Variants in ADI1 observed in about 807,000 individuals in gnomAD.
ADI1 encodes the protein acireductone dioxygenase 1.
In ADI1, 21 loss-of-function variants were observed where a neutral mutation model predicts 18.7. The ratio of observed to expected loss-of-function variants is 1.13; its 90% CI spans 0.80 to 1.62. The LOEUF (loss-of-function observed/expected upper bound fraction) is 1.62, where lower values mean the gene tolerates loss of function less well. Among genes scored for constraint, ADI1 ranks in the 40% most tolerant of loss-of-function variants. The probability of loss-of-function intolerance (pLI) is 0.00; values close to 1 mark genes in which losing one functional copy is unlikely to be tolerated. For synonymous variants in ADI1, 90 were observed against 100.1 expected (o/e 0.90, Z 0.60); for missense variants, 245 against 254.9 (o/e 0.96, Z 0.26).
In ADI1 at chr2:3,503,376, TAC is replaced by T. The variant is rs36166333; in HGVS notation, c.241-2385_241-2384del. Among the ~76,000 whole-genome samples the T allele has an allele frequency of 6.6e-3, 291 of 44,340 alleles. 116 individuals are homozygous for T. In the African/African-American group the frequency reaches 0.16, roughly 24 times the overall value. 29.1% of individuals were successfully genotyped at this position (44,340 alleles called of 152,430 possible). A position where few individuals can be genotyped will look rare whatever the true frequency, so the allele number is the denominator to read the frequency against. On this transcript the variant is annotated intron_variant, in intron 2 of 3. Transcript: ENST00000327435. ...ACGCACATTCACACACATGCACACA[TAC>T]ACACGTACTCACACGCACATTCACA...
At chr2:3,516,751 C>T (rs1667417620) in intron 1 of ADI1, 1 of 985,144 alleles carries the variant, frequency 1.0e-6, no homozygotes, top group Non-Finnish European at 1.2e-6. Context: ...AATAATCTTC[C>T]AATTGTTTGT....
intron 2 of ADI1, among the ~76,000 whole-genome samples, chr2:3,506,713 G>A (rs544556837): frequency 6.6e-6 from 1 of 152,286 alleles, no homozygotes; most frequent in East Asian, 1.9e-4. Flanking sequence ...TTTATCTGGA[G>A]AGGCACAAGA....
In ADI1 at chr2:3,518,198, C is replaced by T. The variant is rs118100537; in HGVS notation, c.120+1170G>A. 1.9e-4 allele frequency among the ~76,000 whole-genome samples: 29 copies of T among 152,320 alleles called. No homozygotes were observed. In the East Asian group the frequency reaches 3.9e-3, roughly 20 times the overall value. On this transcript the variant is annotated intron_variant, in intron 1 of 3. Coordinates refer to ENST00000327435, the MANE Select transcript of ADI1 (RefSeq NM_018269.4). The stretch of plus-strand genomic sequence containing the variant: ...TACTATGTAAACATTAACATGCATG[C>T]CCTGTTTCGCACTGGTATGCCAATT...
intron 1 of ADI1, chr2:3,515,029 A>T (rs1667369341): frequency 4.6e-6 from 3 of 648,588 alleles, no homozygotes; most frequent in Non-Finnish European, 7.1e-6. Flanking sequence ...AATTGTGTTA[A>T]CTGTACAAAT....
chr2:3,502,038 C>T (rs1363101255), intron 2 of ADI1, among the ~76,000 whole-genome samples: 5,091 of 54,938 alleles, frequency 0.093, 297 homozygotes, highest in African/African-American at 0.44. Flanking sequence ...CACACACACA[C>T]ACACAGAGAC....
At position 3,498,731 on chromosome 2, in the gene ADI1, A is replaced by G. The variant is rs920179590; in HGVS notation, c.*232T>C. 23 of 575,322 alleles carry G rather than the reference A, an allele frequency of 4.0e-5. No individual in the cohort carries two copies. Among genetic ancestry groups the G allele is most frequent in the African/African-American group, 3.9e-4 (21 of 53,230 alleles). 35.6% of individuals were successfully genotyped at this position (575,322 alleles called of 1,614,324 possible). The stretch of plus-strand genomic sequence containing the variant: ...TGAATGCATGAACTAACACAGGGCC[A>G]TGGACCCACCAGTCTTGATTGAGTT... On this transcript the variant is annotated 3_prime_UTR_variant, in exon 4 of 4. Transcript: ENST00000327435.
At chr2:3,516,050 CATT>C in intron 1 of ADI1, 1 of 982,084 alleles carries the variant, frequency 1.0e-6, no homozygotes, top group South Asian at 4.7e-5. Flanking sequence ...TAATATGACA[CATT>C]ATATGACACG....
At chr2:3,511,152 A>G in intron 2 of ADI1, among the ~76,000 whole-genome samples, 1 of 152,162 alleles carries the variant, frequency 6.6e-6, no homozygotes, top group Middle Eastern at 3.2e-3. Flanking sequence ...AGATCTGGCT[A>G]TTTAAAACTG....
chr2:3,513,416 C>T (rs949571694), intron 2 of ADI1, among the ~76,000 whole-genome samples: 1 of 152,116 alleles, frequency 6.6e-6, no homozygotes, highest in African/African-American at 2.4e-5. Context: ...GAAAGTGGGA[C>T]CTGGTGGGAG....
At chr2:3,516,619 T>C in intron 1 of ADI1, 1 of 660,752 alleles carries the variant, frequency 1.5e-6, no homozygotes. Flanking sequence ...ACCTTAATCT[T>C]GGACTTCTTA....
chr2:3,515,782 C>T (rs1667394630), intron 1 of ADI1: 3 of 505,690 alleles, frequency 5.9e-6, no homozygotes, highest in Non-Finnish European at 7.6e-6. Flanking sequence ...TGATGTCACC[C>T]CTGGCGGCCC....
chr2:3,519,260 A>T (rs981324567), intron 1 of ADI1, 108 bp downstream of exon 1: 1 of 1,298,502 alleles, frequency 7.7e-7, no homozygotes, highest in Admixed American at 4.2e-5. Context: ...CATGCGCAGC[A>T]TGCCGCGGCT....
chr2:3,501,907 G>A (rs1049569596), intron 2 of ADI1, among the ~76,000 whole-genome samples: 3 of 152,072 alleles, frequency 2.0e-5, no homozygotes, highest in African/African-American at 7.2e-5. Context: ...AACATTGAGA[G>A]TATTTTACAG....
Position 3,508,334 on chromosome 2 carries a change from C to CAAAAAAAAA in ADI1, c.240+5514_240+5522dup, listed in dbSNP as rs33977448. 1.4e-3 allele frequency among the ~76,000 whole-genome samples: 38 copies of CAAAAAAAAA among 26,922 alleles called. 1 individual carries two copies. Among genetic ancestry groups the CAAAAAAAAA allele is most frequent in the South Asian group, 2.2e-3 (1 of 450 alleles). The allele number at this position is 26,922 out of a possible 152,430, so 17.7% of individuals were successfully genotyped here. On this transcript the variant is annotated intron_variant, in intron 2 of 3. Transcript: ENST00000327435. ...TGGGCAACAGAGTGAGACTCTGTCTCAAAAAAAAAAAAAAAAAAAAAAAAA... is the reference window on the plus strand; with the variant it reads ...TGGGCAACAGAGTGAGACTCTGTCTCAAAAAAAAAAAAAAAAAAAAAAAAAAAAAAAAAA...
intron 3 of ADI1, among the ~76,000 whole-genome samples, chr2:3,499,979 C>G (rs1666955549): frequency 6.6e-6 from 1 of 151,310 alleles, no homozygotes; most frequent in South Asian, 2.1e-4. Context: ...GCAGGAGAAT[C>G]GCTTGAGCTT....
intron 1 of ADI1, chr2:3,517,538 G>C (rs1263574702): frequency 6.6e-6 from 1 of 152,144 alleles, no homozygotes; most frequent in African/African-American, 2.4e-5. Context: ...GGCCGAAGTG[G>C]GTGGATCACC....
chr2:3,508,062 C>T (rs1012972013), intron 2 of ADI1, among the ~76,000 whole-genome samples: 11 of 151,882 alleles, frequency 7.2e-5, no homozygotes, highest in Admixed American at 1.3e-4. Context: ...AGGCCGGGCA[C>T]GGTGGCTCAC....
intron 2 of ADI1, among the ~76,000 whole-genome samples, chr2:3,505,163 C>G (rs922621199): frequency 6.6e-6 from 1 of 152,238 alleles, no homozygotes; most frequent in Admixed American, 6.5e-5. Flanking sequence ...CATATGTTTT[C>G]TAAAGAGCTT....
chr2:3,518,129 C>T (rs1667447687), intron 1 of ADI1, among the ~76,000 whole-genome samples: 1 of 152,190 alleles, frequency 6.6e-6, no homozygotes, highest in South Asian at 2.1e-4. Context: ...AAGAAGTACC[C>T]TCCAGCAAGG....
Sources: allele counts gnomAD v4.1 joint callset (sites outside exome capture counted in the v4.1 genomes callset), GRCh38; gene constraint gnomAD v4.1.1; transcripts MANE v1.5; gene names NCBI Gene and HGNC (gene_info 2026-07-23, HGNC 2026-07-21).